MGST1: variants seen among roughly 807,000 people sequenced by gnomAD.
MGST1 encodes microsomal glutathione S-transferase 1.
Under a neutral mutation model 8.9 loss-of-function variants are expected in MGST1, and 5 were observed. That is an observed-to-expected ratio of 0.56 (90% CI 0.29 to 1.19). The LOEUF (loss-of-function observed/expected upper bound fraction) is 1.19, where lower values mean the gene tolerates loss of function less well. Ranked by LOEUF, MGST1 falls within the 50% of genes most tolerant of loss-of-function variation. The pLI is 0.08. For synonymous variants in MGST1, 54 were observed against 67.8 expected (o/e 0.80, Z 1.00); for missense variants, 182 against 187.4 (o/e 0.97, Z 0.17).
downstream of MGST1, among the ~76,000 whole-genome samples, chr12:16,378,415 A>G (rs1329075293): frequency 3.3e-5 from 5 of 152,138 alleles, no homozygotes; most frequent in Admixed American, 2.0e-4. Context: ...TCCTTTCCCA[A>G]TTTCTTGTTT....
At chr12:16,381,193 T>C (rs1940450615), downstream of MGST1, among the ~76,000 whole-genome samples, 3 of 152,208 alleles carry the variant, frequency 2.0e-5, no homozygotes, top group African/African-American at 7.2e-5. Flanking sequence ...TGATGTTAGC[T>C]GGTTATTTTG....
At chr12:16,566,039 TAA>T (rs1565488443) in intron 4 of MGST1, among the ~76,000 whole-genome samples, 1 of 86,506 alleles carries the variant, frequency 1.2e-5, no homozygotes, top group African/African-American at 4.4e-5. Context: ...TATATATATA[TAA>T]AATGGAGTAC....
At chr12:16,397,301 C>T (rs1015927902) in intron 1 of MGST1, among the ~76,000 whole-genome samples, 1 of 152,158 alleles carries the variant, frequency 6.6e-6, no homozygotes, top group Non-Finnish European at 1.5e-5. Flanking sequence ...GGACCTAAAT[C>T]TAAGACCTGA....
At position 16,570,294 on chromosome 12, in the gene MGST1, G is replaced by A. The variant is rs561406962; in HGVS notation, n.483-19234G>A. 2.6e-5 allele frequency among the ~76,000 whole-genome samples: 4 copies of A among 152,142 alleles called. No homozygotes were observed. The South Asian group carries it at 8.3e-4, about 32-fold the overall frequency. On this transcript the variant is annotated intron_variant and non_coding_transcript_variant, in intron 4 of 4. Coordinates refer to the MGST1 transcript ENST00000538857. ...TTGATATCTTTACAGACTTCTTAGA[G>A]ACTCATAATTACCTTCTTTTCTATC...
At chr12:16,466,836 A>C (rs1238555460) in intron 4 of MGST1, among the ~76,000 whole-genome samples, 1 of 152,072 alleles carries the variant, frequency 6.6e-6, no homozygotes, top group African/African-American at 2.4e-5. Context: ...AACACTTTGA[A>C]ATTTCCTCTC....
At chr12:16,453,652 T>A (rs114671199) in intron 4 of MGST1, among the ~76,000 whole-genome samples, 2,406 of 152,010 alleles carry the variant, frequency 0.016, 64 homozygotes, top group African/African-American at 0.054. Context: ...TTGACAGAAC[T>A]GGTTTCTTCT....
chr12:16,463,567 G>A (rs1230311474), intron 4 of MGST1, among the ~76,000 whole-genome samples: 1 of 150,948 alleles, frequency 6.6e-6, no homozygotes, highest in East Asian at 1.9e-4. Flanking sequence ...TGCACATCTG[G>A]CACATGTACC....
At chr12:16,393,602 G>A (rs544109303) in intron 1 of MGST1, among the ~76,000 whole-genome samples, 3 of 152,286 alleles carry the variant, frequency 2.0e-5, no homozygotes, top group African/African-American at 4.8e-5. Context: ...TAATTAAAAC[G>A]GTTATAAACC....
intron 4 of MGST1, among the ~76,000 whole-genome samples, chr12:16,514,935 C>T (rs747867837): frequency 5.9e-5 from 9 of 152,212 alleles, no homozygotes; most frequent in Admixed American, 1.3e-4. Context: ...AAAGAGTTTA[C>T]ATGTGCAAGA....
At chr12:16,454,165 G>A (rs1941151297) in intron 4 of MGST1, among the ~76,000 whole-genome samples, 1 of 151,996 alleles carries the variant, frequency 6.6e-6, no homozygotes, top group Non-Finnish European at 1.5e-5. Flanking sequence ...AGATTGCTAA[G>A]TTCAAACACA....
In MGST1 at chr12:16,395,780, C is replaced by CATATATATATATATATATAT. The variant is rs369986291; in HGVS notation, n.778+12182_778+12201dup. Among the ~76,000 whole-genome samples, 806 of 120,628 alleles carry CATATATATATATATATATAT rather than the reference C, an allele frequency of 6.7e-3. 9 individuals are homozygous for CATATATATATATATATATAT. Among genetic ancestry groups the CATATATATATATATATATAT allele is most frequent in the East Asian group, 0.021 (73 of 3,430 alleles). The allele number at this position is 120,628 out of a possible 152,430, so 79.1% of individuals were successfully genotyped here. On this transcript the variant is annotated intron_variant and non_coding_transcript_variant, in intron 1 of 1. Transcript: ENST00000359720. ...CTTTAATGGCTGAGTAGTATTCCAT[C>CATATATATATATATATATAT]ATATATATATATATATATATATATA...
intron 4 of MGST1, among the ~76,000 whole-genome samples, chr12:16,543,033 A>G (rs1278101973): frequency 6.6e-6 from 1 of 152,192 alleles, no homozygotes. Context: ...AGTGCTTTGT[A>G]GATATCTCTA....
chr12:16,531,847 C>T (rs1278147107), intron 4 of MGST1, among the ~76,000 whole-genome samples: 1 of 152,074 alleles, frequency 6.6e-6, no homozygotes, highest in Non-Finnish European at 1.5e-5. Context: ...CTGCATGGGT[C>T]ACATCAGTAT....
intron 4 of MGST1, among the ~76,000 whole-genome samples, chr12:16,575,931 G>C (rs2137489817): frequency 6.6e-6 from 1 of 152,214 alleles, no homozygotes; most frequent in East Asian, 1.9e-4. Flanking sequence ...ACGTAGAAAT[G>C]AATGTCGGAA....
At chr12:16,456,159 A>T (rs1055712010) in intron 4 of MGST1, among the ~76,000 whole-genome samples, 1 of 151,904 alleles carries the variant, frequency 6.6e-6, no homozygotes, top group Non-Finnish European at 1.5e-5. Flanking sequence ...AAATAAAAAA[A>T]TTAAAAACCT....
intron 4 of MGST1, among the ~76,000 whole-genome samples, chr12:16,476,759 T>C (rs1186653054): frequency 1.3e-5 from 2 of 152,146 alleles, no homozygotes; most frequent in Non-Finnish European, 2.9e-5. Context: ...GATGGAAATA[T>C]GTAACTAAAA....
At chr12:16,572,712 T>G (rs1402454325) in intron 4 of MGST1, among the ~76,000 whole-genome samples, 5 of 148,088 alleles carry the variant, frequency 3.4e-5, no homozygotes, top group Non-Finnish European at 6.0e-5. Flanking sequence ...TATATATAAT[T>G]TAAATATATT....
At chr12:16,490,140 A>G (rs551640649) in intron 4 of MGST1, among the ~76,000 whole-genome samples, 1 of 152,210 alleles carries the variant, frequency 6.6e-6, no homozygotes, top group African/African-American at 2.4e-5. Context: ...GCATGTGCCT[A>G]TAGTCCTAGC....
rs1253296563 is a variant in MGST1, at chr12:16,503,633, G to C, written n.483-85895G>C. ...TTCTGGAGGTAGGGCTTGAACCCCAGACCGAAAGGAGGGCTAGTTGAAATA... is the reference window on the plus strand; with the variant it reads ...TTCTGGAGGTAGGGCTTGAACCCCACACCGAAAGGAGGGCTAGTTGAAATA... On this transcript the variant is annotated intron_variant and non_coding_transcript_variant, in intron 4 of 4. Coordinates refer to the MGST1 transcript ENST00000538857. The surrounding 1 kb of genome is among the most constrained non-coding windows in gnomAD (Gnocchi z 4.8). Among the ~76,000 whole-genome samples, 1 of 152,120 alleles carries C rather than the reference G, an allele frequency of 6.6e-6. No individual in the cohort carries two copies. Among genetic ancestry groups the C allele is most frequent in the Non-Finnish European group, 1.5e-5 (1 of 68,018 alleles).
Sources: gnomAD v4.1 joint callset for allele counts (sites outside exome capture counted in the v4.1 genomes callset) on GRCh38, gnomAD v4.1.1 for gene constraint, Gnocchi (gnomAD v3.1) non-coding constraint, MANE v1.5 for transcripts, NCBI Gene and HGNC (gene_info 2026-07-23, HGNC 2026-07-21) for gene names.